Variants in SGCD observed in about 807,000 individuals in gnomAD.
SGCD encodes the protein delta-sarcoglycan.
A neutral mutation model predicts 36.6 loss-of-function variants in SGCD; 18 were observed. The ratio of observed to expected loss-of-function variants is 0.49; its 90% CI spans 0.34 to 0.73. SGCD has a LOEUF of 0.73. Among genes scored for constraint, SGCD ranks in the 30% least tolerant of loss-of-function variants. The pLI is 0.01. For synonymous variants in SGCD, 133 were observed against 130.6 expected, an observed-to-expected ratio of 1.02 and a Z score of -0.12; for missense variants, 387 against 346.7, an observed-to-expected ratio of 1.12 and a Z score of -0.92.
chr5:156,034,772 C>T (rs965996476), intron 1 of SGCD, among the ~76,000 whole-genome samples: 1 of 152,204 alleles, frequency 6.6e-6, no homozygotes, highest in Non-Finnish European at 1.5e-5. Flanking sequence ...TTTCATCCTT[C>T]ATGCAAGCAG....
At chr5:156,388,017 G>C (rs1248395490) in intron 3 of SGCD, among the ~76,000 whole-genome samples, 1 of 152,210 alleles carries the variant, frequency 6.6e-6, no homozygotes, top group Non-Finnish European at 1.5e-5. Context: ...GTATGAAGCT[G>C]TGCTAAATTA....
intron 3 of SGCD, among the ~76,000 whole-genome samples, chr5:156,169,893 C>G (rs1049490801): frequency 6.6e-6 from 1 of 152,078 alleles, no homozygotes; most frequent in Non-Finnish European, 1.5e-5. Context: ...CCATAGAGAG[C>G]CTTATAGGCT....
intron 1 of SGCD, among the ~76,000 whole-genome samples, chr5:156,030,057 T>A (rs1759312385): frequency 6.6e-6 from 1 of 152,180 alleles, no homozygotes; most frequent in Non-Finnish European, 1.5e-5. Flanking sequence ...AGGTAACGGG[T>A]GCTTAGTTAC....
chr5:156,673,100 G>A (rs1168420776), intron 7 of SGCD, among the ~76,000 whole-genome samples: 1 of 152,114 alleles, frequency 6.6e-6, no homozygotes, highest in African/African-American at 2.4e-5. Flanking sequence ...TTTCAAGTTA[G>A]ATGAATCATT....
chr5:156,147,696 A>G (rs146008348), intron 3 of SGCD, among the ~76,000 whole-genome samples: 3 of 152,346 alleles, frequency 2.0e-5, no homozygotes, highest in Admixed American at 2.0e-4. Context: ...GAGTCAATAA[A>G]TAGAAGAGAA....
intron 1 of SGCD, among the ~76,000 whole-genome samples, chr5:155,930,019 C>T (rs529370676): frequency 6.6e-6 from 1 of 152,242 alleles, no homozygotes; most frequent in Admixed American, 6.5e-5. Flanking sequence ...CCCTGCTTTT[C>T]TGTGCTGAGT....
intron 3 of SGCD, among the ~76,000 whole-genome samples, chr5:156,287,558 T>G (rs896313947): frequency 9.2e-5 from 14 of 152,026 alleles, no homozygotes; most frequent in Admixed American, 9.2e-4. Flanking sequence ...GATTCTGGAT[T>G]CTGACTCTTC....
intron 3 of SGCD, among the ~76,000 whole-genome samples, chr5:156,177,430 G>C (rs1423559557): frequency 6.6e-6 from 1 of 152,064 alleles, no homozygotes; most frequent in African/African-American, 2.4e-5. Flanking sequence ...GTGGCTTTTG[G>C]GTTTATCTTA....
At chr5:156,123,238 G>A (rs1366367590) in intron 2 of SGCD, among the ~76,000 whole-genome samples, 2 of 152,122 alleles carry the variant, frequency 1.3e-5, no homozygotes, top group Non-Finnish European at 2.9e-5. Context: ...AGTATAAATG[G>A]TATCTCAAGC....
At chr5:156,208,744 C>T (rs540146825) in intron 3 of SGCD, among the ~76,000 whole-genome samples, 23 of 152,270 alleles carry the variant, frequency 1.5e-4, no homozygotes, top group African/African-American at 4.6e-4. Flanking sequence ...TGCTCTGGTG[C>T]TCTTAGTTCC....
At chr5:156,135,713 A>G (rs1006378010) in intron 3 of SGCD, among the ~76,000 whole-genome samples, 1 of 152,226 alleles carries the variant, frequency 6.6e-6, no homozygotes, top group Non-Finnish European at 1.5e-5. Flanking sequence ...CGTTTCTGAA[A>G]CATGTTGCTA....
chr5:156,628,330 C>T (rs996853741), intron 6 of SGCD, among the ~76,000 whole-genome samples: 3 of 152,170 alleles, frequency 2.0e-5, no homozygotes, highest in Non-Finnish European at 4.4e-5. Flanking sequence ...CAAACCATAG[C>T]AAACTGGCAA....
chr5:156,310,615 T>C (rs1036456687), intron 3 of SGCD, among the ~76,000 whole-genome samples: 2 of 152,228 alleles, frequency 1.3e-5, no homozygotes, highest in Non-Finnish European at 2.9e-5. Context: ...GCAGATTCTT[T>C]CAGTGAAATT....
chr5:156,444,064 T>TTC (rs535098783), intron 3 of SGCD, among the ~76,000 whole-genome samples: 1,164 of 34,442 alleles, frequency 0.034, 68 homozygotes, highest in Non-Finnish European at 0.043. Flanking sequence ...CTTTCTCTCC[T>TTC]TCTCTCTCTC....
At chr5:155,913,700 C>A (rs1339550938) in intron 1 of SGCD, among the ~76,000 whole-genome samples, 1 of 152,044 alleles carries the variant, frequency 6.6e-6, no homozygotes, top group African/African-American at 2.4e-5. Flanking sequence ...CAAAACTTGT[C>A]CTCATTATAT....
chr5:156,402,162 A>AATG (rs1772189012), intron 3 of SGCD, among the ~76,000 whole-genome samples: 2 of 152,200 alleles, frequency 1.3e-5, no homozygotes, highest in African/African-American at 4.8e-5. Flanking sequence ...TTATCCTTTC[A>AATG]TCTATCAATG....
chr5:156,750,789 A>T (rs985135141), intron 7 of SGCD, among the ~76,000 whole-genome samples: 1 of 152,246 alleles, frequency 6.6e-6, no homozygotes, highest in African/African-American at 2.4e-5. Flanking sequence ...ATACCAAAAA[A>T]GTCAATTAGA....
chr5:156,319,373 C>G (rs1302118407), intron 3 of SGCD, among the ~76,000 whole-genome samples: 2 of 152,216 alleles, frequency 1.3e-5, no homozygotes, highest in African/African-American at 4.8e-5. Context: ...GGGTTAAAGG[C>G]AAATGAGACC....
At chr5:156,440,284 T>C (rs535382664) in intron 3 of SGCD, among the ~76,000 whole-genome samples, 3 of 152,332 alleles carry the variant, frequency 2.0e-5, no homozygotes, top group African/African-American at 7.2e-5. Context: ...TAATGTTTCA[T>C]CCATCAGTAC....
Sources: allele counts gnomAD v4.1 joint callset (sites outside exome capture counted in the v4.1 genomes callset), GRCh38; gene constraint gnomAD v4.1.1; transcripts MANE v1.5; gene names NCBI Gene and HGNC (gene_info 2026-07-23, HGNC 2026-07-21).